Variants in TMEM178A observed in about 807,000 individuals in gnomAD.
TMEM178A encodes transmembrane protein 178.
TMEM178A carries 12 observed loss-of-function variants against 29.1 expected under a neutral mutation model. The ratio of observed to expected loss-of-function variants is 0.41; its 90% CI spans 0.26 to 0.67. The LOEUF is 0.67. Ranked by LOEUF, TMEM178A falls within the 30% of genes least tolerant of loss-of-function variation. The pLI, the probability that TMEM178A is intolerant of heterozygous loss-of-function variation, is 0.29. For missense variants in TMEM178A, 366 were observed against 419.1 expected (o/e 0.87, Z 1.11); for synonymous variants, 210 against 187.2 (o/e 1.12, Z -0.99).
chr2:39,714,182 G>C (rs1297081038), intron 3 of TMEM178A, among the ~76,000 whole-genome samples: 1 of 152,134 alleles, frequency 6.6e-6, no homozygotes, highest in Non-Finnish European at 1.5e-5. Context: ...ACTTTGAAAG[G>C]AGAAGAGATG....
intron 1 of TMEM178A, among the ~76,000 whole-genome samples, chr2:39,696,906 C>CT (rs1470343595): frequency 6.6e-6 from 1 of 152,148 alleles, no homozygotes; most frequent in African/African-American, 2.4e-5. Flanking sequence ...TAAACCACAA[C>CT]TTGTTCTTTT....
At chr2:39,721,331 A>G (rs548868123), downstream of TMEM178A, among the ~76,000 whole-genome samples, 3 of 152,380 alleles carry the variant, frequency 2.0e-5, no homozygotes, top group Admixed American at 1.3e-4. Flanking sequence ...GTCCTAAAAC[A>G]TTAGAATATG....
chr2:39,702,914 C>G (rs191319570), intron 1 of TMEM178A, among the ~76,000 whole-genome samples: 1 of 152,106 alleles, frequency 6.6e-6, no homozygotes, highest in Non-Finnish European at 1.5e-5. Flanking sequence ...ACATTTTTAA[C>G]GAGCCACCTA....
In TMEM178A at chr2:39,717,071, G is replaced by A. The variant is rs372186330; in HGVS notation, c.714G>A (p.Arg238=). The A allele has an allele frequency of 2.4e-4, 392 of 1,609,842 alleles. No individual in the cohort carries two copies. The highest frequency in any genetic ancestry group is 3.3e-4 in the Non-Finnish European group (384 of 1,179,222). ...YAASISYDLN[R]LPKLIYSLPA... ...CCAGTATCTCGTATGATTTGAACCG[G>A]CTCCCAAAGCTAATTTATAGCCTGC... The change falls in exon 4 of 4, where the codon CGG becomes CGA. Residue 238 remains arginine, a synonymous_variant. Coordinates refer to ENST00000281961, the MANE Select transcript of TMEM178A (RefSeq NM_152390.3).
chr2:39,678,875 T>C (rs950883411), intron 1 of TMEM178A, among the ~76,000 whole-genome samples: 4 of 152,216 alleles, frequency 2.6e-5, no homozygotes, highest in African/African-American at 9.6e-5. Context: ...TCAATACACA[T>C]GCACTTTCGT....
chr2:39,721,729 C>G (rs75780363), downstream of TMEM178A, among the ~76,000 whole-genome samples: 457 of 152,200 alleles, frequency 3.0e-3, 1 homozygote, highest in African/African-American at 0.011. Flanking sequence ...TGTGGTGGAT[C>G]ACACCTGTCA....
At chr2:39,703,005 G>C (rs17024157) in intron 1 of TMEM178A, among the ~76,000 whole-genome samples, 3,644 of 152,226 alleles carry the variant, frequency 0.024, 129 homozygotes, top group African/African-American at 0.082. Flanking sequence ...AGGGACTGGG[G>C]CTCATGATGC....
At chr2:39,671,465 C>G (rs1379008821) in intron 1 of TMEM178A, among the ~76,000 whole-genome samples, 1 of 152,146 alleles carries the variant, frequency 6.6e-6, no homozygotes, top group African/African-American at 2.4e-5. Context: ...ACAGATTGTT[C>G]TCGGACCTTC....
intron 3 of TMEM178A, among the ~76,000 whole-genome samples, chr2:39,711,682 G>A (rs994096365): frequency 2.6e-5 from 4 of 152,164 alleles, no homozygotes; most frequent in East Asian, 1.9e-4. Flanking sequence ...CATGGTAGGT[G>A]TATTGAATTA....
the TMEM178A span, among the ~76,000 whole-genome samples, chr2:39,732,234 G>C: frequency 3.3e-5 from 5 of 152,196 alleles, no homozygotes; most frequent in South Asian, 2.1e-4. Flanking sequence ...ATTCCCACAG[G>C]TGCCAGCAAA....
downstream of TMEM178A, among the ~76,000 whole-genome samples, chr2:39,720,026 G>A (rs2148124113): frequency 6.6e-6 from 1 of 151,522 alleles, no homozygotes; most frequent in South Asian, 2.1e-4. Context: ...ATGCAGTGAA[G>A]GACATAGTGA....
chr2:39,718,935 AT>A (rs1205288265), downstream of TMEM178A, among the ~76,000 whole-genome samples: 1 of 152,202 alleles, frequency 6.6e-6, no homozygotes, highest in East Asian at 1.9e-4. Flanking sequence ...TTTCTTCTTT[AT>A]AAAAACTGAT....
intron 1 of TMEM178A, among the ~76,000 whole-genome samples, chr2:39,703,063 T>A (rs1671863529): frequency 6.6e-6 from 1 of 152,242 alleles, no homozygotes; most frequent in African/African-American, 2.4e-5. Context: ...ATAATCTTTT[T>A]AAAATTTCAC....
At chr2:39,730,502 A>G in the TMEM178A span, among the ~76,000 whole-genome samples, 5 of 152,160 alleles carry the variant, frequency 3.3e-5, no homozygotes, top group Non-Finnish European at 7.4e-5. Flanking sequence ...CTGACAGACC[A>G]AATCCAGACT....
intron 1 of TMEM178A, among the ~76,000 whole-genome samples, chr2:39,675,001 T>C (rs1009770405): frequency 6.6e-6 from 1 of 152,200 alleles, no homozygotes; most frequent in Non-Finnish European, 1.5e-5. Context: ...GGCTACAGAC[T>C]CCTGTCAATT....
chr2:39,710,541 G>A (rs898002486), intron 3 of TMEM178A, among the ~76,000 whole-genome samples: 21 of 152,282 alleles, frequency 1.4e-4, no homozygotes, highest in Admixed American at 1.1e-3. Context: ...GGATTCACCT[G>A]TTCTGTTGCT....
Position 39,666,109 on chromosome 2 carries a change from C to G in TMEM178A, c.135C>G (p.Arg45=), listed in dbSNP as rs1670140802. 3 of 1,560,114 alleles carry G rather than the reference C, an allele frequency of 1.9e-6. No homozygotes were observed. Among genetic ancestry groups the G allele is most frequent in the Non-Finnish European group, 2.6e-6 (3 of 1,157,902 alleles). ...DPRRHKESCE[R]SRAGADPPDQ... is the part of the protein sequence containing the mutation. ...GGCGCCACAAGGAGAGCTGCGAGCG[C>G]AGCCGCGCGGGCGCCGACCCCCCGG... Residue 45 remains arginine (R), a synonymous_variant, in exon 1 of 4, where the codon CGC becomes CGG. Transcript: ENST00000281961.
At chr2:39,727,263 A>G in the TMEM178A span, among the ~76,000 whole-genome samples, 2 of 152,228 alleles carry the variant, frequency 1.3e-5, no homozygotes, top group African/African-American at 4.8e-5. Flanking sequence ...GAGCATTCCC[A>G]GAACCTGACA....
At chr2:39,733,207 T>A in the TMEM178A span, among the ~76,000 whole-genome samples, 1 of 152,228 alleles carries the variant, frequency 6.6e-6, no homozygotes, top group Non-Finnish European at 1.5e-5. Flanking sequence ...CCTTCCAGCA[T>A]CTGCTCCCAC....
Sources: gnomAD v4.1 joint callset for allele counts (sites outside exome capture counted in the v4.1 genomes callset) on GRCh38, gnomAD v4.1.1 for gene constraint, MANE v1.5 for transcripts, NCBI Gene and HGNC (gene_info 2026-07-23, HGNC 2026-07-21) for gene names.